PGF: variants seen among roughly 807,000 people sequenced by gnomAD.
PGF encodes the protein placenta growth factor.
A neutral mutation model predicts 25.3 loss-of-function variants in PGF; 11 were observed. The ratio of observed to expected loss-of-function variants is 0.43; its 90% CI spans 0.27 to 0.72. The LOEUF is 0.72. Among genes scored for constraint, PGF ranks in the 30% least tolerant of loss-of-function variants. PGF has a pLI of 0.18. For synonymous variants in PGF, 105 were observed against 97.9 expected (o/e 1.07, Z -0.43); for missense variants, 230 against 234.9 (o/e 0.98, Z 0.14).
At chr14:74,948,257 C>T (rs553606576) in intron 4 of PGF, 47 of 395,770 alleles carry the variant, frequency 1.2e-4, no homozygotes, top group African/African-American at 7.6e-4. Flanking sequence ...CCTCTCTCTT[C>T]CCTTGCAGTA....
chr14:74,949,450 G>A lies in PGF; in HGVS notation c.222C>T (p.Ser74=). ...AGCGCAGCAGGGAGACACAGGATGG[G>A]CTGAACATGTGCTCCACCTCGCTGG... The part of the protein sequence containing the change: ...EYPSEVEHMF[S]PSCVSLLRCT... The change falls in exon 3 of 7, where the codon AGC becomes AGT. Residue 74 remains serine (S), a synonymous_variant. Transcript: ENST00000555567. 7 of 1,612,782 alleles carry A rather than the reference G, an allele frequency of 4.3e-6. No individual in the cohort carries two copies. The highest frequency in any genetic ancestry group is 5.9e-6 in the Non-Finnish European group (7 of 1,179,598).
rs549588224 is a variant in PGF, at chr14:74,955,288, T to C, written c.-46A>G. 2.4e-6 allele frequency: 3 copies of C among 1,250,562 alleles called. No individual in the cohort carries two copies. The highest frequency in any genetic ancestry group is 6.2e-5 in the East Asian group (2 of 32,382). The allele number at this position is 1,250,562 out of a possible 1,614,324, so 77.5% of individuals were successfully genotyped here. A position where few individuals can be genotyped will look rare whatever the true frequency, so the allele number is the denominator to read the frequency against. On this transcript the variant is annotated 5_prime_UTR_variant, in exon 1 of 7. The change abolishes an upstream ATG in the 5' untranslated region. Coordinates refer to ENST00000555567, the MANE Select transcript of PGF (RefSeq NM_002632.6). This position sits in a 1 kb window ranked among gnomAD's most constrained non-coding sequence, Gnocchi z 4.1. ...AGGGGGCTCCGAGGGAAAACCACCA[T>C]GCTCATCCCCCGGGGAGCCCCTGGC...
At chr14:74,954,976 C>G (rs1169571265) in intron 1 of PGF, among the ~76,000 whole-genome samples, 192 bp downstream of exon 1, 1 of 151,836 alleles carries the variant, frequency 6.6e-6, no homozygotes, top group African/African-American at 2.4e-5. Context: ...CCAAGACAGC[C>G]CCCAGGACCT....
chr14:74,948,488 C>A lies in PGF; in HGVS notation c.392+19G>T, dbSNP rs1214123481. ...GACGGGGGCCTTTCCTTGCTACCCA[C>A]CCGACCCCGGAGACCTACCGGCATT... On this transcript the variant is annotated intron_variant, in intron 4 of 6. Coordinates refer to ENST00000555567, the MANE Select transcript of PGF (RefSeq NM_002632.6). 2.6e-6 allele frequency: 4 copies of A among 1,532,706 alleles called. No homozygotes were observed. The highest frequency in any genetic ancestry group is 3.6e-6 in the Non-Finnish European group (4 of 1,112,164). 94.9% of individuals were successfully genotyped at this position (1,532,706 alleles called of 1,614,324 possible). A position where few individuals can be genotyped will look rare whatever the true frequency, so the allele number is the denominator to read the frequency against.
rs139576478 is a variant in PGF at position 74,946,245 on chromosome 14, C to T, written c.453G>A (p.Arg151=). ...AGTCTGTGGGTCTCTGCTTCTCTCT[C>T]CTCCTCTTCCCCCTGCCCTTGGGTC... is the stretch of plus-strand genomic sequence containing the variant. ...RRRPKGRGKR[R]REKQRPTDCH... is the part of the protein sequence containing the mutation. The change falls in exon 6 of 7, where the codon AGG becomes AGA. Residue 151 remains arginine, a synonymous_variant. Coordinates refer to ENST00000555567, the MANE Select transcript of PGF (RefSeq NM_002632.6). 1.4e-3 allele frequency: 2,187 copies of T among 1,614,180 alleles called. 3 individuals are homozygous for T. Among genetic ancestry groups the T allele is most frequent in the Non-Finnish European group, 1.7e-3 (1,973 of 1,180,006 alleles).
Position 74,955,262 on chromosome 14 carries a change from C to T in PGF, c.-20G>A. ...CGGCATCTTCTCAGACGTCCCGAGCCAGGGGGCTCCGAGGGAAAACCACCA... is the reference window on the plus strand; with the variant it reads ...CGGCATCTTCTCAGACGTCCCGAGCTAGGGGGCTCCGAGGGAAAACCACCA... On this transcript the variant is annotated 5_prime_UTR_variant, in exon 1 of 7. Transcript: ENST00000555567. This position sits in a 1 kb window ranked among gnomAD's most constrained non-coding sequence, Gnocchi z 4.1. 6.4e-6 allele frequency: 9 copies of T among 1,414,208 alleles called. No individual in the cohort carries two copies. The highest frequency in any genetic ancestry group is 8.4e-6 in the Non-Finnish European group (9 of 1,068,054). 87.6% of individuals were successfully genotyped at this position (1,414,208 alleles called of 1,614,324 possible). A position where few individuals can be genotyped will look rare whatever the true frequency, so the allele number is the denominator to read the frequency against.
At chr14:74,946,354 C>T in intron 5 of PGF, 25 bp downstream of exon 5, 1 of 1,613,710 alleles carries the variant, frequency 6.2e-7, no homozygotes, top group Non-Finnish European at 8.5e-7. Context: ...CGAGAATAGC[C>T]CCGAGCCCCA....
chr14:74,948,350 C>T, intron 4 of PGF, 157 bp downstream of exon 4: 2 of 514,422 alleles, frequency 3.9e-6, no homozygotes, highest in Non-Finnish European at 7.1e-6. Context: ...TGGTAGCCAC[C>T]CCTGGTCCTG....
At position 74,955,281 on chromosome 14, in the gene PGF, A is replaced by C; in HGVS notation, c.-39T>G. ...CCGAGCCAGGGGGCTCCGAGGGAAA[A>C]CCACCATGCTCATCCCCCGGGGAGC... On this transcript the variant is annotated 5_prime_UTR_variant, in exon 1 of 7. Coordinates refer to ENST00000555567, the MANE Select transcript of PGF (RefSeq NM_002632.6). The surrounding 1 kb of genome is among the most constrained non-coding windows in gnomAD (Gnocchi z 4.1). The C allele has an allele frequency of 7.7e-7, 1 of 1,306,862 alleles. No homozygotes were observed. The highest frequency in any genetic ancestry group is 1.0e-6 in the Non-Finnish European group (1 of 984,936). 81.0% of individuals were successfully genotyped at this position (1,306,862 alleles called of 1,614,324 possible).
At chr14:74,949,746 C>T (rs1888831695) in intron 2 of PGF, among the ~76,000 whole-genome samples, 193 bp from the exon 3 acceptor site, 1 of 152,178 alleles carries the variant, frequency 6.6e-6, no homozygotes, top group Non-Finnish European at 1.5e-5. Flanking sequence ...GGATGGAAAT[C>T]CCCATGGAAC....
At chr14:74,942,959 T>G (rs1228311488) in intron 6 of PGF, among the ~76,000 whole-genome samples, 1 of 152,192 alleles carries the variant, frequency 6.6e-6, no homozygotes, top group African/African-American at 2.4e-5. Flanking sequence ...ACTGTCTTCT[T>G]AACCCTCAAC....
At chr14:74,954,810 G>A (rs1888947591) in intron 1 of PGF, among the ~76,000 whole-genome samples, 1 of 152,170 alleles carries the variant, frequency 6.6e-6, no homozygotes, top group Non-Finnish European at 1.5e-5. Context: ...AGGTCCTGGG[G>A]ACGCCTGGTT....
At chr14:74,944,391 C>T (rs906364318) in intron 6 of PGF, among the ~76,000 whole-genome samples, 25 of 151,598 alleles carry the variant, frequency 1.6e-4, no homozygotes, top group African/African-American at 5.1e-4. Context: ...TGTGAGCCAC[C>T]GCGCCTGGCC....
In PGF at chr14:74,946,293, T is replaced by A. The variant is rs1312242798; in HGVS notation, c.423-18A>T. 6.2e-7 allele frequency: 1 copy of A among 1,614,032 alleles called. No individual in the cohort carries two copies. Among genetic ancestry groups the A allele is most frequent in the Non-Finnish European group, 8.5e-7 (1 of 1,179,996 alleles). ...GTCTCCTCCTGCAATAAGCCAAGCG[T>A]CAGGACAAGGTGGCTGGGGAACCCC... On this transcript the variant is annotated intron_variant, in intron 5 of 6. Transcript: ENST00000555567.
rs2140411809 is a variant in PGF at position 74,955,258 on chromosome 14, G to A, written c.-16C>T. The A allele has an allele frequency of 1.4e-6, 2 of 1,421,716 alleles. No homozygotes were observed. The highest frequency in any genetic ancestry group is 9.3e-7 in the Non-Finnish European group (1 of 1,072,776). 88.1% of individuals were successfully genotyped at this position (1,421,716 alleles called of 1,614,324 possible). ...TGACCGGCATCTTCTCAGACGTCCC[G>A]AGCCAGGGGGCTCCGAGGGAAAACC... On this transcript the variant is annotated 5_prime_UTR_variant, in exon 1 of 7. Coordinates refer to ENST00000555567, the MANE Select transcript of PGF (RefSeq NM_002632.6). The surrounding 1 kb of genome is among the most constrained non-coding windows in gnomAD (Gnocchi z 4.1).
intron 2 of PGF, among the ~76,000 whole-genome samples, 169 bp from the exon 3 acceptor site, chr14:74,949,722 T>C (rs548804344): frequency 2.0e-4 from 31 of 152,304 alleles, no homozygotes; most frequent in African/African-American, 7.2e-4. Flanking sequence ...TGCGGGCCCC[T>C]TAGCTCATCT....
chr14:74,951,548 G>C, intron 2 of PGF, among the ~76,000 whole-genome samples: 1 of 152,252 alleles, frequency 6.6e-6, no homozygotes, highest in Admixed American at 6.5e-5. Context: ...AGCCGTCAGC[G>C]AGGGGACAGC....
intron 4 of PGF, 193 bp from the exon 5 acceptor site, chr14:74,946,601 C>A: frequency 1.6e-6 from 1 of 631,338 alleles, no homozygotes; most frequent in Non-Finnish European, 2.8e-6. Context: ...CCACTCCAGG[C>A]TCTGGTGACC....
intron 4 of PGF, 131 bp from the exon 5 acceptor site, chr14:74,946,539 G>A: frequency 1.2e-6 from 1 of 840,358 alleles, no homozygotes; most frequent in Non-Finnish European, 1.8e-6. Context: ...GCCACTAGGG[G>A]GTAGCATGGA....
Sources: allele counts gnomAD v4.1 joint callset (sites outside exome capture counted in the v4.1 genomes callset), GRCh38; gene constraint gnomAD v4.1.1; non-coding constraint Gnocchi (gnomAD v3.1); transcripts MANE v1.5; gene names NCBI Gene and HGNC (gene_info 2026-07-23, HGNC 2026-07-21).